Variants in ZFAND4 observed in about 807,000 individuals in gnomAD.
ZFAND4 encodes the protein AN1-type zinc finger protein 4.
ZFAND4 carries 43 observed loss-of-function variants against 64.4 expected under a neutral mutation model. That is an observed-to-expected ratio of 0.67 (90% CI 0.52 to 0.86). ZFAND4 has a LOEUF of 0.86. ZFAND4 is among the 40% of genes least tolerant of loss of function. ZFAND4 has a pLI of 0.00. For missense variants in ZFAND4, 929 were observed against 859.8 expected, an observed-to-expected ratio of 1.08 and a Z score of -1.01; for synonymous variants, 296 against 305.7, an observed-to-expected ratio of 0.97 and a Z score of 0.33.
At chr10:45,641,874 AGACAGCAGACCT>A (rs1412920833) in intron 5 of ZFAND4, among the ~76,000 whole-genome samples, 6 of 152,206 alleles carry the variant, frequency 3.9e-5, no homozygotes, top group Admixed American at 2.6e-4. Flanking sequence ...AGAAAGCTAT[AGACAGCAGACCT>A]AAGATTCAAA....
intron 2 of ZFAND4, among the ~76,000 whole-genome samples, chr10:45,659,627 T>C (rs1416212498): frequency 6.6e-6 from 1 of 152,024 alleles, no homozygotes; most frequent in African/African-American, 2.4e-5. Context: ...AAGACAAAAC[T>C]AGCATCAGAA....
At chr10:45,632,653 T>A (rs899418945) in intron 6 of ZFAND4, among the ~76,000 whole-genome samples, 1 of 152,040 alleles carries the variant, frequency 6.6e-6, no homozygotes, top group Admixed American at 6.6e-5. Context: ...TAAAACAAAA[T>A]GCAAAAGCCT....
At chr10:45,643,477 T>C (rs1252420409) in intron 5 of ZFAND4, among the ~76,000 whole-genome samples, 1 of 151,382 alleles carries the variant, frequency 6.6e-6, no homozygotes, top group Non-Finnish European at 1.5e-5. Flanking sequence ...AAGACCATCC[T>C]GGCTAACACG....
intron 7 of ZFAND4, among the ~76,000 whole-genome samples, chr10:45,625,523 CAAAT>C (rs2045750987): frequency 6.8e-6 from 1 of 146,170 alleles, no homozygotes; most frequent in South Asian, 2.2e-4. Context: ...TTTGATGACT[CAAAT>C]AAAAAGTTCT....
At chr10:45,641,951 C>G (rs944534751) in intron 5 of ZFAND4, among the ~76,000 whole-genome samples, 2 of 152,132 alleles carry the variant, frequency 1.3e-5, no homozygotes, top group African/African-American at 4.8e-5. Flanking sequence ...TCATTGCTTC[C>G]CCAGGCACCA....
chr10:45,616,626 T>C, intron 9 of ZFAND4, 55 bp from the exon 10 acceptor site: 1 of 1,595,012 alleles, frequency 6.3e-7, no homozygotes, highest in East Asian at 2.3e-5. Flanking sequence ...AAGGCTCATC[T>C]GTCTGGGAGA....
chr10:45,619,925 G>C (rs1454777213), intron 8 of ZFAND4, among the ~76,000 whole-genome samples: 1 of 152,288 alleles, frequency 6.6e-6, no homozygotes, highest in East Asian at 1.9e-4. Flanking sequence ...AAAGGTGAGG[G>C]AGTAATTCCA....
chr10:45,667,554 C>T (rs148739225), intron 1 of ZFAND4, among the ~76,000 whole-genome samples: 5 of 150,956 alleles, frequency 3.3e-5, no homozygotes, highest in East Asian at 1.9e-4. Context: ...TTGTAACCTC[C>T]GCCTCCCGAG....
chr10:45,624,589 T>C lies in ZFAND4; in HGVS notation c.1921A>G (p.Ser641Gly), dbSNP rs563955244. 3 of 1,613,844 alleles carry C rather than the reference T, an allele frequency of 1.9e-6. No homozygotes were observed. The highest frequency in any genetic ancestry group is 4.5e-5 in the East Asian group (2 of 44,822). Reference sequence around the variant, plus strand: ...AAAATTATCTGTAGCTTACCTACGCTTTTCCCTGCTGCTGCATTATTTCCA... The same window carrying C: ...AAAATTATCTGTAGCTTACCTACGCCTTTCCCTGCTGCTGCATTATTTCCA... Reference protein sequence around the residue: ...MNGNNAAAGKSVGECTTHHLP... With the variant: ...MNGNNAAAGKGVGECTTHHLP... Residue 641 changes from serine (S) to glycine (G), a missense_variant, in exon 8 of 10, where the codon AGC becomes GGC. Ser to Gly is a moderately conservative substitution (Grantham distance 56). Coordinates refer to ENST00000344646, the MANE Select transcript of ZFAND4 (RefSeq NM_174890.4).
chr10:45,644,301 G>A (rs950966512), intron 5 of ZFAND4, among the ~76,000 whole-genome samples: 1 of 152,168 alleles, frequency 6.6e-6, no homozygotes, highest in African/African-American at 2.4e-5. Flanking sequence ...AGATAGCAAA[G>A]CATGATGCTT....
rs1234336149 is a variant in ZFAND4, at chr10:45,663,520, A to G, written c.184+22T>C. 9 of 1,549,286 alleles carry G rather than the reference A, an allele frequency of 5.8e-6. No homozygotes were observed. In the Middle Eastern group the frequency reaches 1.2e-3, roughly 200 times the overall value. On this transcript the variant is annotated intron_variant, in intron 2 of 9. Transcript: ENST00000344646. ...TGAACAAATTTAATTTTCATATCCT[A>G]AAAACAAAGAAAGATGAGTACCTTC...
chr10:45,652,984 T>G lies in ZFAND4; in HGVS notation c.260A>C (p.Asn87Thr). ...LENDYCLNDY[N>T]ISEGCTLKLV... ...ACAGCCAATATGCAATTACACTCAC[T>G]TGTAATCATTCAAGCAATAATCATT... The change falls in exon 3 of 10, where the codon AAC becomes ACC. Residue 87 changes from asparagine to threonine, a missense_variant and splice_region_variant. Physicochemically the swap from Asn to Thr is moderately conservative, Grantham distance 65. Coordinates refer to ENST00000344646, the MANE Select transcript of ZFAND4 (RefSeq NM_174890.4). 1 of 1,608,402 alleles carries G rather than the reference T, an allele frequency of 6.2e-7. No individual in the cohort carries two copies. Among genetic ancestry groups the G allele is most frequent in the Non-Finnish European group, 8.5e-7 (1 of 1,175,912 alleles).
chr10:45,626,251 A>C lies in ZFAND4; in HGVS notation c.1572T>G (p.Thr524=). The change falls in exon 7 of 10, where the codon ACT becomes ACG. Residue 524 remains threonine, a synonymous_variant. Coordinates refer to ENST00000344646, the MANE Select transcript of ZFAND4 (RefSeq NM_174890.4). ...NITDSSFSRT[T]CFQGVKVDSL... is the part of the protein sequence containing the mutation. ...AATCAACTTTAACACCTTGAAAGCA[A>C]GTAGTCCTAGAGAAAGAAGAATCAG... 1 of 1,614,212 alleles carries C rather than the reference A, an allele frequency of 6.2e-7. No individual in the cohort carries two copies. The highest frequency in any genetic ancestry group is 8.5e-7 in the Non-Finnish European group (1 of 1,180,028).
intron 6 of ZFAND4, among the ~76,000 whole-genome samples, chr10:45,639,099 G>A (rs886973612): frequency 6.6e-6 from 1 of 151,966 alleles, no homozygotes; most frequent in Non-Finnish European, 1.5e-5. Flanking sequence ...TGAAAAGGAA[G>A]GGAGCCATTA....
At chr10:45,646,104 G>C (rs2047360890) in intron 5 of ZFAND4, among the ~76,000 whole-genome samples, 1 of 152,110 alleles carries the variant, frequency 6.6e-6, no homozygotes, top group Non-Finnish European at 1.5e-5. Flanking sequence ...CCTCAATTAG[G>C]TAAAACGTTA....
chr10:45,655,870 T>C lies in ZFAND4; in HGVS notation c.185-2811A>G, dbSNP rs112422520. Among the ~76,000 whole-genome samples, 1,012 of 152,308 alleles carry C rather than the reference T, an allele frequency of 6.6e-3. 5 individuals carry two copies. The highest frequency in any genetic ancestry group is 1.0e-2 in the Non-Finnish European group (679 of 68,032). The stretch of plus-strand genomic sequence containing the variant: ...GCAGTGAGAATGAATCAGTAATTTT[T>C]AAATTGCAAACAACAAAAAAAGCCC... On this transcript the variant is annotated intron_variant, in intron 2 of 9. Transcript: ENST00000344646.
chr10:45,641,140 C>T (rs1185966211), intron 5 of ZFAND4, among the ~76,000 whole-genome samples: 2 of 152,200 alleles, frequency 1.3e-5, no homozygotes, highest in Non-Finnish European at 2.9e-5. Flanking sequence ...AGGCACAGCG[C>T]TTGGCACATA....
intron 5 of ZFAND4, among the ~76,000 whole-genome samples, chr10:45,646,731 T>C (rs1294016866): frequency 6.6e-6 from 1 of 152,126 alleles, no homozygotes; most frequent in Non-Finnish European, 1.5e-5. Context: ...GGGTTTCCTT[T>C]AGGAAAAGGG....
At chr10:45,659,915 C>T (rs994390333) in intron 2 of ZFAND4, among the ~76,000 whole-genome samples, 3 of 152,120 alleles carry the variant, frequency 2.0e-5, no homozygotes, top group Admixed American at 6.6e-5. Context: ...CGGTGGCTCA[C>T]GCCTGGAATC....
Sources: gnomAD v4.1 joint callset for allele counts (sites outside exome capture counted in the v4.1 genomes callset) on GRCh38, gnomAD v4.1.1 for gene constraint, MANE v1.5 for transcripts, NCBI Gene and HGNC (gene_info 2026-07-23, HGNC 2026-07-21) for gene names.